The following ADAM22 variants were observed in gnomAD, a reference collection of about 807,000 sequenced individuals.
ADAM22 encodes the protein disintegrin and metalloproteinase domain-containing protein 22.
Under a neutral mutation model 144.6 loss-of-function variants are expected in ADAM22, and 65 were observed. The ratio of observed to expected loss-of-function variants is 0.45; its 90% CI spans 0.37 to 0.55. The LOEUF is 0.55. Among genes scored for constraint, ADAM22 ranks in the 20% least tolerant of loss-of-function variants. ADAM22 has a pLI of 0.00. For synonymous variants in ADAM22, 391 were observed against 412.6 expected, an observed-to-expected ratio of 0.95 and a Z score of 0.63; for missense variants, 974 against 1,184.9, an observed-to-expected ratio of 0.82 and a Z score of 2.61.
rs114590514 is a variant in ADAM22 at position 88,161,175 on chromosome 7, A to C, written c.1908-1837A>C. Among the ~76,000 whole-genome samples the C allele has an allele frequency of 3.2e-3, 484 of 149,150 alleles. 5 individuals carry two copies. Among genetic ancestry groups the C allele is most frequent in the African/African-American group, 0.012 (465 of 39,752 alleles). On this transcript the variant is annotated intron_variant, in intron 22 of 31. Transcript: ENST00000413139. ...AAATCACTTCATTTCTAATTCTCAA[A>C]TAAATTCAACATATTTGGAAAAAAA...
At chr7:88,021,543 T>C (rs980907451) in intron 3 of ADAM22, among the ~76,000 whole-genome samples, 8 of 152,228 alleles carry the variant, frequency 5.3e-5, no homozygotes, top group Non-Finnish European at 1.0e-4. Flanking sequence ...GTTATTGCCT[T>C]ATGTTTTCTA....
intron 2 of ADAM22, among the ~76,000 whole-genome samples, chr7:87,964,970 G>A (rs1477046112): frequency 6.6e-6 from 1 of 152,146 alleles, no homozygotes; most frequent in Non-Finnish European, 1.5e-5. Context: ...CTCAGAGAGG[G>A]CTGGTAGTCT....
intron 29 of ADAM22, 85 bp from the exon 30 acceptor site, chr7:88,186,530 A>C: frequency 2.2e-6 from 2 of 891,630 alleles, no homozygotes; most frequent in Non-Finnish European, 3.8e-6. Flanking sequence ...TGGAGGGTGA[A>C]GACATCCTTG....
intron 2 of ADAM22, among the ~76,000 whole-genome samples, chr7:87,937,787 A>G (rs1006369057): frequency 6.6e-6 from 1 of 152,210 alleles, no homozygotes; most frequent in Non-Finnish European, 1.5e-5. Context: ...ATTTAGGTTT[A>G]AAAGTATGAA....
chr7:88,175,473 G>T (rs1480158143), intron 26 of ADAM22, among the ~76,000 whole-genome samples: 1 of 152,096 alleles, frequency 6.6e-6, no homozygotes, highest in African/African-American at 2.4e-5. Flanking sequence ...TGCCAAAGTT[G>T]TACAGAGAAG....
intron 3 of ADAM22, among the ~76,000 whole-genome samples, chr7:88,002,693 CAG>C (rs1792861136): frequency 6.6e-6 from 1 of 152,132 alleles, no homozygotes. Flanking sequence ...TTAATGAGGA[CAG>C]ATCAGTACAA....
chr7:88,155,169 G>A (rs1049119804), intron 21 of ADAM22, among the ~76,000 whole-genome samples: 1 of 151,764 alleles, frequency 6.6e-6, no homozygotes, highest in African/African-American at 2.4e-5. Context: ...AGGGCAACAG[G>A]TTGAAAAAAA....
At chr7:88,106,322 T>C (rs1273483713) in intron 4 of ADAM22, among the ~76,000 whole-genome samples, 1 of 152,204 alleles carries the variant, frequency 6.6e-6, no homozygotes, top group Non-Finnish European at 1.5e-5. Context: ...GTGTACCATT[T>C]TACCTGCTCT....
rs545552494 is a variant in ADAM22 at position 88,007,354 on chromosome 7, C to T, written c.323+28942C>T. ...TAATTTATAGATTCAATGCCATCCCCATCAAGCTACCAATGCCTTTCTTCA... is the reference window on the plus strand; with the variant it reads ...TAATTTATAGATTCAATGCCATCCCTATCAAGCTACCAATGCCTTTCTTCA... On this transcript the variant is annotated intron_variant, in intron 3 of 31. Coordinates refer to ENST00000413139, the MANE Select transcript of ADAM22 (RefSeq NM_001324418.2). Among the ~76,000 whole-genome samples the T allele has an allele frequency of 9.5e-4, 144 of 152,314 alleles. 1 individual carries two copies. Among genetic ancestry groups the T allele is most frequent in the Non-Finnish European group, 1.6e-3 (107 of 68,024 alleles).
chr7:88,121,530 T>C (rs1394810890), intron 7 of ADAM22, among the ~76,000 whole-genome samples: 2 of 152,200 alleles, frequency 1.3e-5, no homozygotes, highest in African/African-American at 2.4e-5. Context: ...GTCATGAGTT[T>C]GTAGCGTAAC....
intron 4 of ADAM22, among the ~76,000 whole-genome samples, chr7:88,083,732 T>A (rs1235397925): frequency 6.6e-6 from 1 of 151,948 alleles, no homozygotes. Flanking sequence ...TGACTTAAAA[T>A]CTGGTAATTC....
At chr7:88,165,137 C>T (rs2299204) in intron 23 of ADAM22, among the ~76,000 whole-genome samples, 44,454 of 151,916 alleles carry the variant, frequency 0.29, 8,682 homozygotes, top group East Asian at 0.54. Flanking sequence ...TGCTTCTCTA[C>T]TCAAGGTTGT....
At chr7:88,136,247 CG>C (rs1832962519) in intron 14 of ADAM22, among the ~76,000 whole-genome samples, 1 of 152,062 alleles carries the variant, frequency 6.6e-6, no homozygotes, top group Non-Finnish European at 1.5e-5. Context: ...AGGCTATAAA[CG>C]TAAGAAATGA....
intron 2 of ADAM22, among the ~76,000 whole-genome samples, chr7:87,942,792 C>G (rs1842727030): frequency 6.6e-6 from 1 of 152,078 alleles, no homozygotes; most frequent in African/African-American, 2.4e-5. Context: ...TAGTATTCAG[C>G]AATCAACACC....
chr7:88,001,301 A>C (rs1021810255), intron 3 of ADAM22, among the ~76,000 whole-genome samples: 1 of 152,242 alleles, frequency 6.6e-6, no homozygotes, highest in Non-Finnish European at 1.5e-5. Context: ...TACCTTACAA[A>C]CATAACCTGA....
At chr7:87,949,694 C>CA (rs985237078) in intron 2 of ADAM22, among the ~76,000 whole-genome samples, 81 of 147,654 alleles carry the variant, frequency 5.5e-4, no homozygotes, top group African/African-American at 1.9e-3. Flanking sequence ...GGACAACAAC[C>CA]TTTTTTTTTT....
rs375592711 is a variant in ADAM22 at position 88,168,216 on chromosome 7, G to A, written c.2271G>A (p.Ala757=). Residue 757 remains alanine (A), a synonymous_variant, in exon 25 of 32, where the codon GCG becomes GCA. Transcript: ENST00000413139. Reference sequence around the variant, plus strand: ...TGGCCCTCATATTAGGAATAACTGCGTGGGGTTATAAGTAAGTGAAATGTC... The same window carrying A: ...TGGCCCTCATATTAGGAATAACTGCATGGGGTTATAAGTAAGTGAAATGTC... The part of the protein sequence containing the change: ...LVLALILGIT[A]WGYKNYREQR... 160 of 1,612,456 alleles carry A rather than the reference G, an allele frequency of 9.9e-5. No individual in the cohort carries two copies. Among genetic ancestry groups the A allele is most frequent in the Middle Eastern group, 1.7e-4 (1 of 6,048 alleles).
chr7:88,039,432 A>G (rs532969589), intron 3 of ADAM22, among the ~76,000 whole-genome samples: 1 of 127,664 alleles, frequency 7.8e-6, no homozygotes, highest in East Asian at 2.6e-4. Flanking sequence ...ACAGGGCAAC[A>G]GAGCGAGATT....
At chr7:88,116,332 C>T (rs1827750598) in intron 6 of ADAM22, among the ~76,000 whole-genome samples, 2 of 152,158 alleles carry the variant, frequency 1.3e-5, no homozygotes, top group South Asian at 2.1e-4. Context: ...TTATACCAGG[C>T]ATCCTGCTCC....
Sources: allele counts gnomAD v4.1 joint callset (sites outside exome capture counted in the v4.1 genomes callset), GRCh38; gene constraint gnomAD v4.1.1; transcripts MANE v1.5; gene names NCBI Gene and HGNC (gene_info 2026-07-23, HGNC 2026-07-21).